NDUFS1: variants seen among roughly 807,000 people sequenced by gnomAD.
NDUFS1 encodes the protein NADH:ubiquinone oxidoreductase core subunit S1, also known as NADH-ubiquinone oxidoreductase 75 kDa subunit, mitochondrial.
A neutral mutation model predicts 84.4 loss-of-function variants in NDUFS1; 61 were observed. The observed-to-expected ratio is 0.72, with a 90% CI of 0.59 to 0.89. NDUFS1 has a LOEUF of 0.89. NDUFS1 is among the 40% of genes least tolerant of loss of function. The probability of loss-of-function intolerance (pLI) is 0.00; values close to 1 mark genes in which losing one functional copy is unlikely to be tolerated. For synonymous variants in NDUFS1, 275 were observed against 290.0 expected, an observed-to-expected ratio of 0.95 and a Z score of 0.53; for missense variants, 891 against 890.0, an observed-to-expected ratio of 1.00 and a Z score of -0.01.
In NDUFS1 at chr2:206,142,138, TCTC is replaced by T. The variant is rs1015206216; in HGVS notation, c.1134-72_1134-70del. On this transcript the variant is annotated intron_variant, in intron 11 of 18. Transcript: ENST00000233190. ...GACATACAGAGAATCCATGAAATAT[TCTC>T]CTATCATCAAACCCATTGCCTTCTC... 2.8e-5 allele frequency: 38 copies of T among 1,376,758 alleles called. 1 individual carries two copies. Among genetic ancestry groups the T allele is most frequent in the Admixed American group, 2.0e-4 (11 of 55,530 alleles). The allele number at this position is 1,376,758 out of a possible 1,614,324, so 85.3% of individuals were successfully genotyped here.
At chr2:206,130,552 A>T (rs568755631) in intron 14 of NDUFS1, among the ~76,000 whole-genome samples, 1 of 152,114 alleles carries the variant, frequency 6.6e-6, no homozygotes, top group South Asian at 2.1e-4. Context: ...ATGGGGTTTC[A>T]CCATGTTGGC....
At chr2:206,158,252 G>A (rs1389732983) in intron 1 of NDUFS1, among the ~76,000 whole-genome samples, 2 of 152,110 alleles carry the variant, frequency 1.3e-5, no homozygotes, top group African/African-American at 2.4e-5. Context: ...GTGAGCCACC[G>A]CCTCCGGCCT....
At chr2:206,141,323 T>A (rs1273731781) in intron 12 of NDUFS1, among the ~76,000 whole-genome samples, 3 of 151,206 alleles carry the variant, frequency 2.0e-5, no homozygotes, top group African/African-American at 7.3e-5. Flanking sequence ...GGCGGGCGGA[T>A]CACAAGGTCA....
intron 12 of NDUFS1, among the ~76,000 whole-genome samples, chr2:206,139,300 C>G (rs1038080538): frequency 1.3e-5 from 2 of 151,776 alleles, no homozygotes; most frequent in African/African-American, 4.9e-5. Context: ...ATTTTCCTGC[C>G]TCACCCTCCG....
At position 206,130,065 on chromosome 2, in the gene NDUFS1, C is replaced by A. The variant is rs1437638690; in HGVS notation, c.1708+23G>T. ...CATAATGTACTACTCTCTTTTGTTT[C>A]TGGTGTCACAGGTGATACTTACCTT... On this transcript the variant is annotated intron_variant, in intron 15 of 18. Coordinates refer to ENST00000233190, the MANE Select transcript of NDUFS1 (RefSeq NM_005006.7). The A allele has an allele frequency of 5.0e-6, 8 of 1,613,512 alleles. No individual in the cohort carries two copies. In the Admixed American group the frequency reaches 1.3e-4, roughly 27 times the overall value.
Position 206,116,465 on chromosome 2 carries a change from C to T in NDUFS1, c.*7720G>A, listed in dbSNP as rs769969146. ...CCAGGACCACGTGCAGGCTGCAGAGCACGGCCCGCACGCTCCGCACCACTC... is the reference window on the plus strand; with the variant it reads ...CCAGGACCACGTGCAGGCTGCAGAGTACGGCCCGCACGCTCCGCACCACTC... On this transcript the variant is annotated 3_prime_UTR_variant, in exon 19 of 19. Coordinates refer to ENST00000233190, the MANE Select transcript of NDUFS1 (RefSeq NM_005006.7). The T allele has an allele frequency of 5.7e-5, 64 of 1,124,074 alleles. No individual in the cohort carries two copies. The highest frequency in any genetic ancestry group is 2.0e-4 in the Admixed American group (10 of 50,290). 69.6% of individuals were successfully genotyped at this position (1,124,074 alleles called of 1,614,324 possible).
At chr2:206,140,412 G>A (rs1447617059) in intron 12 of NDUFS1, among the ~76,000 whole-genome samples, 1 of 152,134 alleles carries the variant, frequency 6.6e-6, no homozygotes, top group African/African-American at 2.4e-5. Flanking sequence ...GCTGAGGCAG[G>A]AGAATTGCTT....
intron 1 of NDUFS1, 147 bp downstream of exon 1, chr2:206,159,194 C>G: frequency 2.6e-6 from 4 of 1,520,630 alleles, no homozygotes; most frequent in Middle Eastern, 1.7e-4. Flanking sequence ...TGCCGGCTCT[C>G]AGGGGCTTCC....
At chr2:206,141,382 A>G (rs1407129574) in intron 12 of NDUFS1, among the ~76,000 whole-genome samples, 2 of 151,134 alleles carry the variant, frequency 1.3e-5, no homozygotes, top group African/African-American at 4.9e-5. Flanking sequence ...AATACAAAAA[A>G]TAAGCTGGGT....
At chr2:206,136,099 G>C (rs1420076586) in intron 13 of NDUFS1, among the ~76,000 whole-genome samples, 1 of 151,108 alleles carries the variant, frequency 6.6e-6, no homozygotes, top group Non-Finnish European at 1.5e-5. Context: ...CACCCAGGCT[G>C]GAGTCCAATG....
rs1267076955 is a variant in NDUFS1, at chr2:206,149,016, G to A, written c.338+4C>T. ...GGGTACTACATTGAATAACAATAAA[G>A]TACCTGGCTTTTTTGGATTTTTCTG... is the stretch of plus-strand genomic sequence containing the variant. On this transcript the variant is annotated splice_donor_region_variant and intron_variant, in intron 5 of 18. Coordinates refer to ENST00000233190, the MANE Select transcript of NDUFS1 (RefSeq NM_005006.7). 2.5e-6 allele frequency: 4 copies of A among 1,601,004 alleles called. No homozygotes were observed. The highest frequency in any genetic ancestry group is 3.4e-6 in the Non-Finnish European group (4 of 1,168,796).
Position 206,141,955 on chromosome 2 carries a change from A to G in NDUFS1, c.1248T>C (p.Ala416=). The G allele has an allele frequency of 6.2e-7, 1 of 1,610,634 alleles. No homozygotes were observed. The highest frequency in any genetic ancestry group is 1.1e-5 in the South Asian group (1 of 90,966). The change falls in exon 12 of 19, where the codon GCT becomes GCC. Residue 416 remains alanine, a synonymous_variant. Coordinates refer to ENST00000233190, the MANE Select transcript of NDUFS1 (RefSeq NM_005006.7). ...CTATTACCAACCTCTTTCGAATTCT[A>G]GCATTAAACAGTGGTGCCTCAAAAC... is the stretch of plus-strand genomic sequence containing the variant. ...NPRFEAPLFN[A]RIRKSWLHND... is the part of the protein sequence containing the mutation.
chr2:206,116,526 C>T lies in NDUFS1; in HGVS notation c.*7659G>A, dbSNP rs1690948349. On this transcript the variant is annotated 3_prime_UTR_variant, in exon 19 of 19. Coordinates refer to ENST00000233190, the MANE Select transcript of NDUFS1 (RefSeq NM_005006.7). ...GTTCCCAGGGGTGCGGGGATGGCAGCGCTACGCCTCAGCCACTCGCGCGGG... is the reference window on the plus strand; with the variant it reads ...GTTCCCAGGGGTGCGGGGATGGCAGTGCTACGCCTCAGCCACTCGCGCGGG... 3.7e-6 allele frequency: 4 copies of T among 1,079,166 alleles called. No individual in the cohort carries two copies. Among genetic ancestry groups the T allele is most frequent in the Non-Finnish European group, 5.4e-6 (4 of 741,530 alleles). 66.8% of individuals were successfully genotyped at this position (1,079,166 alleles called of 1,614,324 possible).
intron 13 of NDUFS1, among the ~76,000 whole-genome samples, chr2:206,137,354 G>A (rs1020660868): frequency 6.6e-6 from 1 of 151,984 alleles, no homozygotes; most frequent in South Asian, 2.1e-4. Context: ...CGTGCCTGTA[G>A]TCCCAGCTAC....
rs371302679 is a variant in NDUFS1 at position 206,150,923 on chromosome 2, T to C, written c.154-998A>G. On this transcript the variant is annotated intron_variant, in intron 3 of 18. Transcript: ENST00000233190. Reference sequence around the variant, plus strand: ...TTCTTTTGTGTTTTTTTTTTCTCACTGTTAAAGCAATATTGGGAAGTTCTG... The same window carrying C: ...TTCTTTTGTGTTTTTTTTTTCTCACCGTTAAAGCAATATTGGGAAGTTCTG... Among the ~76,000 whole-genome samples, 6 of 152,112 alleles carry C rather than the reference T, an allele frequency of 3.9e-5. No individual in the cohort carries two copies. In the East Asian group the frequency reaches 5.8e-4, roughly 15 times the overall value.
At chr2:206,131,796 T>C (rs1691521481) in intron 14 of NDUFS1, among the ~76,000 whole-genome samples, 1 of 151,912 alleles carries the variant, frequency 6.6e-6, no homozygotes, top group Admixed American at 6.6e-5. Flanking sequence ...AAAATTAGCC[T>C]GGCATAGTGG....
At position 206,120,435 on chromosome 2, in the gene NDUFS1, A is replaced by G. The variant is rs1050706291; in HGVS notation, c.*3750T>C. ...GGTTGTGACCAAAATGCTGATAGAC[A>G]TATGGTGAAGTCCAGAGTGATGAGG... On this transcript the variant is annotated 3_prime_UTR_variant, in exon 19 of 19. Transcript: ENST00000233190. 1 of 152,198 alleles carries G rather than the reference A, an allele frequency of 6.6e-6. No individual in the cohort carries two copies. Among genetic ancestry groups the G allele is most frequent in the African/African-American group, 2.4e-5 (1 of 41,444 alleles). The allele number at this position is 152,198 out of a possible 1,614,324, so 9.4% of individuals were successfully genotyped here.
At chr2:206,139,629 A>G (rs1424342174) in intron 12 of NDUFS1, among the ~76,000 whole-genome samples, 2 of 152,156 alleles carry the variant, frequency 1.3e-5, no homozygotes, top group Non-Finnish European at 2.9e-5. Flanking sequence ...ATTGACATTT[A>G]TTCTCCACAG....
intron 1 of NDUFS1, among the ~76,000 whole-genome samples, chr2:206,155,126 A>G (rs1687597490): frequency 2.7e-5 from 4 of 147,236 alleles, no homozygotes; most frequent in Admixed American, 2.0e-4. Flanking sequence ...TATTTATTTT[A>G]TTTATTTATT....
Sources: allele counts gnomAD v4.1 joint callset (sites outside exome capture counted in the v4.1 genomes callset), GRCh38; gene constraint gnomAD v4.1.1; transcripts MANE v1.5; gene names NCBI Gene and HGNC (gene_info 2026-07-23, HGNC 2026-07-21).